Variants in SV2C observed in about 807,000 individuals in gnomAD.
The protein encoded by SV2C is solute carrier family 22 member B3.
A neutral mutation model predicts 79.7 loss-of-function variants in SV2C; 49 were observed. The ratio of observed to expected loss-of-function variants is 0.61; its 90% confidence interval spans 0.49 to 0.78. The LOEUF is 0.78. SV2C is among the 30% of genes least tolerant of loss of function. The pLI is 0.00. For missense variants in SV2C, 833 were observed against 912.9 expected (o/e 0.91, Z 1.13); for synonymous variants, 334 against 333.2 (o/e 1.00, Z -0.03).
At chr5:75,906,478 T>C in the SV2C span, among the ~76,000 whole-genome samples, 1 of 151,852 alleles carries the variant, frequency 6.6e-6, no homozygotes, top group African/African-American at 2.4e-5. Flanking sequence ...GACCAGCTCA[T>C]CTTATTCGGT....
intron 4 of SV2C, among the ~76,000 whole-genome samples, chr5:76,264,561 T>C (rs1281407650): frequency 1.3e-5 from 2 of 152,208 alleles, no homozygotes; most frequent in Admixed American, 6.5e-5. Flanking sequence ...TTTCCTTGTC[T>C]TCATGGATTT....
intron 2 of SV2C, among the ~76,000 whole-genome samples, chr5:76,152,726 C>G (rs1363639934): frequency 7.2e-5 from 11 of 152,198 alleles, no homozygotes; most frequent in Non-Finnish European, 1.5e-5. Flanking sequence ...ACACTGCACA[C>G]TACAACTTTG....
At chr5:75,922,483 T>C in the SV2C span, among the ~76,000 whole-genome samples, 1 of 152,212 alleles carries the variant, frequency 6.6e-6, no homozygotes, top group Non-Finnish European at 1.5e-5. Flanking sequence ...CAATAGTGAA[T>C]AGAAGTAAGT....
the SV2C span, among the ~76,000 whole-genome samples, chr5:75,884,340 AT>A: frequency 6.6e-6 from 1 of 152,302 alleles, no homozygotes; most frequent in East Asian, 1.9e-4. Context: ...GATTGCTTTT[AT>A]ATTACTGATA....
intron 4 of SV2C, among the ~76,000 whole-genome samples, chr5:76,214,881 G>A (rs138959402): frequency 6.6e-4 from 100 of 152,222 alleles, no homozygotes; most frequent in African/African-American, 2.3e-3. Flanking sequence ...ATGCTGTCAC[G>A]TTGCTGAACT....
chr5:76,336,268 C>T (rs963834940), downstream of SV2C, among the ~76,000 whole-genome samples: 1 of 151,576 alleles, frequency 6.6e-6, no homozygotes, highest in Non-Finnish European at 1.5e-5. Flanking sequence ...GGCTGCCAGG[C>T]GGAGGGTCTC....
intron 1 of SV2C, among the ~76,000 whole-genome samples, chr5:76,097,353 T>A (rs74622179): frequency 1.7e-3 from 262 of 152,340 alleles, no homozygotes; most frequent in African/African-American, 6.1e-3. Context: ...GTGTTTAAAG[T>A]CTTACTGAGA....
chr5:75,962,561 C>T, the SV2C span, among the ~76,000 whole-genome samples: 2 of 152,126 alleles, frequency 1.3e-5, no homozygotes, highest in Admixed American at 6.6e-5. Context: ...GTACTGACTT[C>T]ATTTTCATGA....
At chr5:76,155,804 C>G (rs1302242811) in intron 2 of SV2C, among the ~76,000 whole-genome samples, 2 of 151,926 alleles carry the variant, frequency 1.3e-5, no homozygotes, top group African/African-American at 4.8e-5. Flanking sequence ...TTGTCTCCAT[C>G]TGCAGTTCTA....
the SV2C span, among the ~76,000 whole-genome samples, chr5:75,949,741 C>T: frequency 6.6e-6 from 1 of 152,066 alleles, no homozygotes; most frequent in Non-Finnish European, 1.5e-5. Context: ...CCATGTGGCA[C>T]AGTGAGTCCA....
chr5:75,920,274 G>C, the SV2C span, among the ~76,000 whole-genome samples: 22 of 152,160 alleles, frequency 1.4e-4, 1 homozygote, highest in Admixed American at 6.5e-4. Context: ...CTCCTTTTTT[G>C]GTCACTGATT....
At chr5:76,324,018 C>A (rs191891080) in intron 12 of SV2C, among the ~76,000 whole-genome samples, 1 of 151,992 alleles carries the variant, frequency 6.6e-6, no homozygotes, top group East Asian at 1.9e-4. Flanking sequence ...AAGTAAAATA[C>A]AAAATAAATA....
intron 12 of SV2C, among the ~76,000 whole-genome samples, chr5:76,321,165 A>G (rs1748814654): frequency 6.6e-6 from 1 of 152,346 alleles, no homozygotes; most frequent in African/African-American, 2.4e-5. Context: ...ATCATTAGGT[A>G]CAGTACAAGT....
At chr5:76,279,095 A>T (rs1747106361) in intron 4 of SV2C, among the ~76,000 whole-genome samples, 1 of 152,148 alleles carries the variant, frequency 6.6e-6, no homozygotes, top group Admixed American at 6.6e-5. Flanking sequence ...TCAGTTTTTG[A>T]CACGTGTATC....
At chr5:75,989,711 T>A in the SV2C span, among the ~76,000 whole-genome samples, 3 of 152,052 alleles carry the variant, frequency 2.0e-5, no homozygotes, top group Non-Finnish European at 4.4e-5. Context: ...ATTGCCACAC[T>A]GTCTTCCACA....
At chr5:76,118,089 T>C (rs1431654614) in intron 1 of SV2C, among the ~76,000 whole-genome samples, 1 of 152,174 alleles carries the variant, frequency 6.6e-6, no homozygotes, top group Admixed American at 6.6e-5. Flanking sequence ...ATATAGAAAT[T>C]TATTCTCTGT....
At chr5:75,902,296 T>C in the SV2C span, among the ~76,000 whole-genome samples, 6 of 152,298 alleles carry the variant, frequency 3.9e-5, no homozygotes, top group South Asian at 1.2e-3. Context: ...TCTTTCTTAA[T>C]AAGGTGGTAG....
At chr5:76,214,312 T>C (rs1335368241) in intron 4 of SV2C, among the ~76,000 whole-genome samples, 1 of 152,226 alleles carries the variant, frequency 6.6e-6, no homozygotes, top group African/African-American at 2.4e-5. Context: ...TGGGGTACTC[T>C]TGGTGCCTTT....
intron 4 of SV2C, among the ~76,000 whole-genome samples, chr5:76,265,088 A>T (rs1420994006): frequency 6.6e-6 from 1 of 152,010 alleles, no homozygotes; most frequent in Non-Finnish European, 1.5e-5. Flanking sequence ...TCCTAGGGAG[A>T]TGGGAGTTTT....
Sources: allele counts gnomAD v4.1 joint callset (sites outside exome capture counted in the v4.1 genomes callset), GRCh38; gene constraint gnomAD v4.1.1; transcripts MANE v1.5; gene names NCBI Gene and HGNC (gene_info 2026-07-23, HGNC 2026-07-21).